The following REPS2 variants were observed in gnomAD, a reference collection of about 807,000 sequenced individuals.
REPS2 encodes RALBP1 associated Eps domain containing 2.
In REPS2, 23 loss-of-function variants were observed where a neutral mutation model predicts 53.6. That is an observed-to-expected ratio of 0.43 (90% confidence interval 0.31 to 0.61). The LOEUF is 0.61. Ranked by LOEUF, REPS2 falls within the 20% of genes least tolerant of loss-of-function variation. REPS2 has a pLI of 0.11. For synonymous variants in REPS2, 238 were observed against 218.6 expected, an observed-to-expected ratio of 1.09 and a Z score of -0.78; for missense variants, 446 against 534.9, an observed-to-expected ratio of 0.83 and a Z score of 1.64.
intron 1 of REPS2, among the ~76,000 whole-genome samples, chrX:16,952,817 G>A (rs1327296026): frequency 9.0e-6 from 1 of 111,193 alleles, no homozygotes; most frequent in Non-Finnish European, 1.9e-5. Flanking sequence ...GGAAATAGAG[G>A]CCAGCATATT....
the REPS2 span, among the ~76,000 whole-genome samples, chrX:17,165,029 T>TTCCACC: frequency 3.8e-5 from 4 of 105,480 alleles, no homozygotes; most frequent in Non-Finnish European, 7.7e-5. Context: ...TTCCTAGACA[T>TTCCACC]TCCACCACCA....
At chrX:17,021,572 G>C (rs2061578661) in intron 2 of REPS2, among the ~76,000 whole-genome samples, 1 of 112,816 alleles carries the variant, frequency 8.9e-6, no homozygotes, top group Non-Finnish European at 1.9e-5. Flanking sequence ...CACTGGTAAA[G>C]TACCAGCTTG....
At chrX:17,102,034 TTATGTTATGTTATGTTATG>T (rs1569177873) in intron 13 of REPS2, among the ~76,000 whole-genome samples, 11 of 50,632 alleles carry the variant, frequency 2.2e-4, no homozygotes, top group African/African-American at 6.1e-4. Context: ...TTATTTTATG[TTATGTTATGTTATGTTATG>T]TTATGTTATG....
chrX:17,077,800 A>G (rs1678473831), intron 13 of REPS2, among the ~76,000 whole-genome samples: 1 of 112,413 alleles, frequency 8.9e-6, no homozygotes. Flanking sequence ...GATCTTGGAG[A>G]TTAAGGCCTA....
At chrX:17,062,730 T>A (rs1443740730) in intron 9 of REPS2, among the ~76,000 whole-genome samples, 198 bp downstream of exon 9, 1 of 111,896 alleles carries the variant, frequency 8.9e-6, no homozygotes, top group Non-Finnish European at 1.9e-5. Context: ...GTATCTATAA[T>A]TTTTTTCCCT....
chrX:17,145,051 T>C (rs2063495700), intron 17 of REPS2, among the ~76,000 whole-genome samples: 2 of 112,171 alleles, frequency 1.8e-5, no homozygotes, highest in Non-Finnish European at 3.8e-5. Flanking sequence ...AATTCCCACA[T>C]TTATTTTCCT....
chrX:17,036,962 A>T (rs1416181078), intron 5 of REPS2, among the ~76,000 whole-genome samples: 1 of 109,902 alleles, frequency 9.1e-6, no homozygotes, highest in Non-Finnish European at 1.9e-5. Context: ...TTCATTTGAG[A>T]CCCCAGCTGG....
chrX:17,000,624 A>G (rs1026770610), intron 1 of REPS2, among the ~76,000 whole-genome samples: 3 of 112,245 alleles, frequency 2.7e-5, no homozygotes, highest in Admixed American at 9.4e-5. Flanking sequence ...AGGCCAAGAA[A>G]CAGAATCAAA....
intron 1 of REPS2, among the ~76,000 whole-genome samples, chrX:16,993,016 A>G (rs1302240684): frequency 8.9e-6 from 1 of 112,278 alleles, no homozygotes; most frequent in African/African-American, 3.2e-5. Flanking sequence ...CACCAGCTAT[A>G]TATACATGAC....
chrX:17,068,555 C>A, intron 10 of REPS2, 84 bp downstream of exon 10: 1 of 717,886 alleles, frequency 1.4e-6, no homozygotes, highest in Non-Finnish European at 2.1e-6. Context: ...GCTTCTAGAG[C>A]ATATGAGGGT....
chrX:16,963,188 T>C (rs2060688251), intron 1 of REPS2, among the ~76,000 whole-genome samples: 1 of 112,494 alleles, frequency 8.9e-6, no homozygotes, highest in Non-Finnish European at 1.9e-5. Flanking sequence ...TTTTTTTTCA[T>C]AGGCAGTGGT....
At chrX:17,044,908 G>A (rs1288805037) in intron 5 of REPS2, among the ~76,000 whole-genome samples, 1 of 111,448 alleles carries the variant, frequency 9.0e-6, no homozygotes, top group Non-Finnish European at 1.9e-5. Context: ...TTAGTGCTCG[G>A]ACTGGATTTT....
intron 3 of REPS2, 89 bp downstream of exon 3, chrX:17,022,360 A>G: frequency 1.1e-6 from 1 of 885,643 alleles, no homozygotes. Context: ...GCTTCCAGCA[A>G]ATCTCACCAT....
chrX:16,973,355 T>C (rs914898662), intron 1 of REPS2, among the ~76,000 whole-genome samples: 1 of 111,931 alleles, frequency 8.9e-6, no homozygotes, highest in Non-Finnish European at 1.9e-5. Context: ...AGATATCCTA[T>C]TTATCCTCAA....
intron 11 of REPS2, among the ~76,000 whole-genome samples, chrX:17,070,556 C>T (rs2062291125): frequency 8.9e-6 from 1 of 111,938 alleles, no homozygotes; most frequent in African/African-American, 3.3e-5. Context: ...GTCCGCAGCT[C>T]TCTGTTGATG....
the REPS2 span, among the ~76,000 whole-genome samples, chrX:17,178,117 A>T: frequency 8.9e-6 from 1 of 112,286 alleles, no homozygotes; most frequent in South Asian, 3.7e-4. Context: ...GCCATGGTTT[A>T]TGTTTTTGGT....
At chrX:17,138,414 A>T (rs2063401577) in intron 16 of REPS2, 1 of 115,011 alleles carries the variant, frequency 8.7e-6, no homozygotes, top group African/African-American at 3.2e-5. Flanking sequence ...TAGTCTGGCT[A>T]AGTTAATGTA....
intron 1 of REPS2, among the ~76,000 whole-genome samples, chrX:16,967,348 T>G (rs1217547641): frequency 9.1e-6 from 1 of 109,913 alleles, no homozygotes; most frequent in Non-Finnish European, 1.9e-5. Context: ...CTCTATATTC[T>G]TCTGTATCTA....
intron 17 of REPS2, among the ~76,000 whole-genome samples, chrX:17,143,275 G>T (rs1022048446): frequency 4.5e-4 from 50 of 111,939 alleles, no homozygotes; most frequent in African/African-American, 1.6e-3. Context: ...GAAAAAAATT[G>T]TTTTACCCTA....
Sources: allele counts gnomAD v4.1 joint callset (sites outside exome capture counted in the v4.1 genomes callset), GRCh38; gene constraint gnomAD v4.1.1; transcripts MANE v1.5; gene names NCBI Gene and HGNC (gene_info 2026-07-23, HGNC 2026-07-21).